The following SELENOH variants were observed in gnomAD, a reference collection of about 807,000 sequenced individuals.
The protein encoded by SELENOH is selenoprotein H.
SELENOH carries 13 observed loss-of-function variants against 11.9 expected under a neutral mutation model. That is an observed-to-expected ratio of 1.09 (90% CI 0.71 to 1.74). SELENOH has a LOEUF of 1.74. Among genes scored for constraint, SELENOH ranks in the 40% most tolerant of loss-of-function variants. The pLI, the probability that SELENOH is intolerant of heterozygous loss-of-function variation, is 0.00. For synonymous variants in SELENOH, 96 were observed against 73.5 expected (o/e 1.31, Z -1.56); for missense variants, 223 against 170.3 (o/e 1.31, Z -1.72).
chr11:57,741,762 G>A lies in SELENOH; in HGVS notation c.122+45G>A, dbSNP rs569454280. The A allele has an allele frequency of 3.6e-5, 57 of 1,569,046 alleles. No individual in the cohort carries two copies. The East Asian group carries it at 7.6e-4, about 21-fold the overall frequency. On this transcript the variant is annotated intron_variant, in intron 1 of 3. Coordinates refer to ENST00000534355, the MANE Select transcript of SELENOH (RefSeq NM_170746.4). ...ACGGGAGAGAGGGAACAGTGGCGCCGGGGGGGGCCAGGGGCCCCGGTTTCT... is the reference window on the plus strand; with the variant it reads ...ACGGGAGAGAGGGAACAGTGGCGCCAGGGGGGGCCAGGGGCCCCGGTTTCT...
rs750408914 is a variant in SELENOH at position 57,741,618 on chromosome 11, G to GT, written c.24dup (p.Lys9Ter). On this transcript the variant is annotated frameshift_variant, in exon 1 of 4. Transcript: ENST00000534355. LOFTEE classifies it high-confidence loss of function. The stretch of plus-strand genomic sequence containing the variant: ...GCCATGGCTCCCCGCGGGAGGAAGC[G>GT]TAAGGCTGAGGCCGCGGTGGTCGCC... 2.3e-6 allele frequency: 3 copies of GT among 1,301,414 alleles called. No individual in the cohort carries two copies. In the African/African-American group the frequency reaches 4.6e-5, roughly 20 times the overall value. The allele number at this position is 1,301,414 out of a possible 1,614,324, so 80.6% of individuals were successfully genotyped here. A position where few individuals can be genotyped will look rare whatever the true frequency, so the allele number is the denominator to read the frequency against.
Position 57,741,643 on chromosome 11 carries a change from C to G in SELENOH, c.48C>G (p.Ala16=). ...RKRKAEAAVV[A]VAEKREKLAN... is the part of the protein sequence containing the mutation. ...GTAAGGCTGAGGCCGCGGTGGTCGC[C>G]GTAGCCGAGAAGCGAGAGAAGCTGG... The change falls in exon 1 of 4, where the codon GCC becomes GCG. Residue 16 remains alanine (A), a synonymous_variant. Transcript: ENST00000534355. 1.4e-6 allele frequency: 2 copies of G among 1,380,666 alleles called. No individual in the cohort carries two copies. Among genetic ancestry groups the G allele is most frequent in the South Asian group, 3.6e-5 (2 of 54,900 alleles). The allele number at this position is 1,380,666 out of a possible 1,614,324, so 85.5% of individuals were successfully genotyped here.
rs1286490243 is a variant in SELENOH, at chr11:57,741,566, C to A, written c.-30C>A. On this transcript the variant is annotated 5_prime_UTR_variant, in exon 1 of 4. Coordinates refer to ENST00000534355, the MANE Select transcript of SELENOH (RefSeq NM_170746.4). Reference sequence around the variant, plus strand: ...GTCTCCGCCCCCCACCCACCAGTCCCGCTGCATTCTCGGCCGGGCTCTAGG... The same window carrying A: ...GTCTCCGCCCCCCACCCACCAGTCCAGCTGCATTCTCGGCCGGGCTCTAGG... 2 of 1,253,636 alleles carry A rather than the reference C, an allele frequency of 1.6e-6. No homozygotes were observed. Among genetic ancestry groups the A allele is most frequent in the East Asian group, 6.2e-5 (2 of 32,186 alleles). 77.7% of individuals were successfully genotyped at this position (1,253,636 alleles called of 1,614,324 possible).
At position 57,742,144 on chromosome 11, in the gene SELENOH, A is replaced by G; in HGVS notation, c.296A>G (p.Lys99Arg). Residue 99 changes from lysine (K) to arginine (R), a missense_variant, in exon 3 of 4, where the codon AAG (lysine) becomes AGG (arginine). By Grantham distance (26) the Lys-to-Arg change is conservative (BLOSUM62 2). Transcript: ENST00000534355. Reference sequence around the variant, plus strand: ...GCGGAGCTCTGGACTGGGATTAAGAAGGGGCCCCCACGCAAACTCAAATTC... The same window carrying G: ...GCGGAGCTCTGGACTGGGATTAAGAGGGGGCCCCCACGCAAACTCAAATTC... The part of the protein sequence containing the change: ...SSAELWTGIK[K>R]GPPRKLKFPE... 1 of 1,612,080 alleles carries G rather than the reference A, an allele frequency of 6.2e-7. No homozygotes were observed. Among genetic ancestry groups the G allele is most frequent in the Non-Finnish European group, 8.5e-7 (1 of 1,179,146 alleles).
At position 57,741,915 on chromosome 11, in the gene SELENOH, G is replaced by C. The variant is rs1480241148; in HGVS notation, c.229G>C (p.Gly77Arg). 1.3e-6 allele frequency: 2 copies of C among 1,593,496 alleles called. No homozygotes were observed. The highest frequency in any genetic ancestry group is 3.7e-5 in the Admixed American group (2 of 54,124). The change falls in exon 2 of 4, where the codon GGC becomes CGC. Residue 77 changes from glycine (G) to arginine (R), a missense_variant. Coordinates refer to ENST00000534355, the MANE Select transcript of SELENOH (RefSeq NM_170746.4). ...VKVNPTKPRR[G>R]SFEVTLLRPD... ...GGTGAACCCGACGAAGCCCCGGAGGGGCAGCTTCGAGGTGACGCTGCTGCG... is the reference window on the plus strand; with the variant it reads ...GGTGAACCCGACGAAGCCCCGGAGGCGCAGCTTCGAGGTGACGCTGCTGCG...
At chr11:57,741,975 G>T (rs928498325) in intron 2 of SELENOH, 21 bp downstream of exon 2, 3 of 1,581,338 alleles carry the variant, frequency 1.9e-6, no homozygotes, top group Admixed American at 1.9e-5. Flanking sequence ...ACCTGGATGT[G>T]GGGGAGAGGG....
intron 3 of SELENOH, 42 bp downstream of exon 3, chr11:57,742,289 G>T: frequency 7.2e-7 from 1 of 1,395,518 alleles, no homozygotes; most frequent in South Asian, 1.2e-5. Flanking sequence ...TGTTGAGGAA[G>T]AGAAGGCATT....
At position 57,742,127 on chromosome 11, in the gene SELENOH, C is replaced by G. The variant is rs201621399; in HGVS notation, c.279C>G (p.Leu93=). The part of the protein sequence containing the change: ...LLRPDGSSAE[L]WTGIKKGPPR... The stretch of plus-strand genomic sequence containing the variant: ...ATTCTGGCCTTTCAGGTGCGGAGCT[C>G]TGGACTGGGATTAAGAAGGGGCCCC... The change falls in exon 3 of 4, where the codon CTC becomes CTG. Residue 93 remains leucine, a synonymous_variant. Transcript: ENST00000534355. 3.1e-6 allele frequency: 5 copies of G among 1,611,294 alleles called. No individual in the cohort carries two copies. Among genetic ancestry groups the G allele is most frequent in the Non-Finnish European group, 4.2e-6 (5 of 1,178,804 alleles).
rs771609631 is a variant in SELENOH at position 57,742,117 on chromosome 11, G to C, written c.269G>C (p.Ser90Thr). The C allele has an allele frequency of 1.6e-5, 25 of 1,610,248 alleles. No individual in the cohort carries two copies. The South Asian group carries it at 2.2e-4, about 14-fold the overall frequency. The change falls in exon 3 of 4, where the codon AGT (serine) becomes ACT (threonine). Residue 90 changes from serine to threonine, a missense_variant and splice_region_variant. Coordinates refer to ENST00000534355, the MANE Select transcript of SELENOH (RefSeq NM_170746.4). Reference protein sequence around the residue: ...EVTLLRPDGSSAELWTGIKKG... With the variant: ...EVTLLRPDGSTAELWTGIKKG... Reference sequence around the variant, plus strand: ...ACTTCGCTTCATTCTGGCCTTTCAGGTGCGGAGCTCTGGACTGGGATTAAG... The same window carrying C: ...ACTTCGCTTCATTCTGGCCTTTCAGCTGCGGAGCTCTGGACTGGGATTAAG...
Position 57,741,972 on chromosome 11 carries a change from T to C in SELENOH, c.268+18T>C. ...CGGCAGCAGTAAGTGGGGACCTGGA[T>C]GTGGGGGAGAGGGACGTGGGTGAAA... On this transcript the variant is annotated intron_variant, in intron 2 of 3. Transcript: ENST00000534355. 1.0e-5 allele frequency: 16 copies of C among 1,583,204 alleles called. No individual in the cohort carries two copies. The highest frequency in any genetic ancestry group is 1.4e-5 in the Non-Finnish European group (16 of 1,167,592).
Position 57,741,682 on chromosome 11 carries a change from G to T in SELENOH, c.87G>T (p.Glu29Asp). The T allele has an allele frequency of 6.7e-7, 1 of 1,486,362 alleles. No individual in the cohort carries two copies. Among genetic ancestry groups the T allele is most frequent in the Non-Finnish European group, 8.9e-7 (1 of 1,118,614 alleles). The allele number at this position is 1,486,362 out of a possible 1,614,324, so 92.1% of individuals were successfully genotyped here. A position where few individuals can be genotyped will look rare whatever the true frequency, so the allele number is the denominator to read the frequency against. Residue 29 changes from glutamate (E) to aspartate (D), a missense_variant, in exon 1 of 4, where the codon GAG (glutamate) becomes GAT (aspartate). Physicochemically the swap from Glu to Asp is conservative, Grantham distance 45. Coordinates refer to ENST00000534355, the MANE Select transcript of SELENOH (RefSeq NM_170746.4). ...GAGAGAAGCTGGCGAACGGCGGGGA[G>T]GGAATGGAGGAGGCGACCGTTGTTA... is the stretch of plus-strand genomic sequence containing the variant. ...EKREKLANGG[E>D]GMEEATVVIE...
intron 3 of SELENOH, 177 bp downstream of exon 3, chr11:57,742,424 CAAAAA>C: frequency 3.5e-6 from 2 of 571,348 alleles, no homozygotes; most frequent in Non-Finnish European, 6.2e-6. Context: ...AAACAAAAAA[CAAAAA>C]AAAGACACAA....
Position 57,741,729 on chromosome 11 carries a change from G to C in SELENOH, c.122+12G>C. The C allele has an allele frequency of 6.3e-7, 1 of 1,592,560 alleles. No individual in the cohort carries two copies. Among genetic ancestry groups the C allele is most frequent in the Admixed American group, 1.8e-5 (1 of 55,004 alleles). Reference sequence around the variant, plus strand: ...GTTATCGAGCATTGGTGAGGGGCCTGGAGAGTAACGGGAGAGAGGGAACAG... The same window carrying C: ...GTTATCGAGCATTGGTGAGGGGCCTCGAGAGTAACGGGAGAGAGGGAACAG... On this transcript the variant is annotated intron_variant, in intron 1 of 3. Coordinates refer to ENST00000534355, the MANE Select transcript of SELENOH (RefSeq NM_170746.4).
chr11:57,742,093 C>T (rs1949099436), intron 2 of SELENOH, 24 bp from the exon 3 acceptor site: 3 of 1,602,628 alleles, frequency 1.9e-6, no homozygotes, highest in South Asian at 1.1e-5. Context: ...AGTATTGTAA[C>T]TTCGCTTCAT....
intron 3 of SELENOH, 66 bp downstream of exon 3, chr11:57,742,313 C>G (rs1949105007): frequency 8.3e-7 from 1 of 1,205,910 alleles, no homozygotes; most frequent in Non-Finnish European, 1.2e-6. Flanking sequence ...CTTGGTGTGG[C>G]TACAAGTACC....
In SELENOH at chr11:57,741,683, G is replaced by A; in HGVS notation, c.88G>A (p.Gly30Arg). Reference protein sequence around the residue: ...KREKLANGGEGMEEATVVIEH... With the variant: ...KREKLANGGERMEEATVVIEH... The stretch of plus-strand genomic sequence containing the variant: ...AGAGAAGCTGGCGAACGGCGGGGAG[G>A]GAATGGAGGAGGCGACCGTTGTTAT... The change falls in exon 1 of 4, where the codon GGA becomes AGA. Residue 30 changes from glycine to arginine, a missense_variant. Coordinates refer to ENST00000534355, the MANE Select transcript of SELENOH (RefSeq NM_170746.4). The A allele has an allele frequency of 6.7e-7, 1 of 1,490,680 alleles. No homozygotes were observed. The highest frequency in any genetic ancestry group is 8.9e-7 in the Non-Finnish European group (1 of 1,120,862). 92.3% of individuals were successfully genotyped at this position (1,490,680 alleles called of 1,614,324 possible).
chr11:57,741,600 C>G lies in SELENOH; in HGVS notation c.5C>G (p.Ala2Gly). 1 of 1,270,070 alleles carries G rather than the reference C, an allele frequency of 7.9e-7. No homozygotes were observed. Among genetic ancestry groups the G allele is most frequent in the Non-Finnish European group, 1.0e-6 (1 of 1,000,676 alleles). The allele number at this position is 1,270,070 out of a possible 1,614,324, so 78.7% of individuals were successfully genotyped here. A position where few individuals can be genotyped will look rare whatever the true frequency, so the allele number is the denominator to read the frequency against. The change falls in exon 1 of 4, where the codon GCT (alanine) becomes GGT (glycine). Residue 2 changes from alanine (A) to glycine (G), a missense_variant. Physicochemically the swap from Ala to Gly is moderately conservative, Grantham distance 60. Coordinates refer to ENST00000534355, the MANE Select transcript of SELENOH (RefSeq NM_170746.4). MAPRGRKRKAEA... is the reference protein window; with the variant it reads MGPRGRKRKAEA... ...CTCGGCCGGGCTCTAGGCGCCATGG[C>G]TCCCCGCGGGAGGAAGCGTAAGGCT...
At position 57,742,097 on chromosome 11, in the gene SELENOH, G is replaced by A. The variant is rs771021142; in HGVS notation, c.269-20G>A. ...GTGGGTTCCGAAGTATTGTAACTTCGCTTCATTCTGGCCTTTCAGGTGCGG... is the reference window on the plus strand; with the variant it reads ...GTGGGTTCCGAAGTATTGTAACTTCACTTCATTCTGGCCTTTCAGGTGCGG... On this transcript the variant is annotated intron_variant, in intron 2 of 3. Transcript: ENST00000534355. 20 of 1,604,290 alleles carry A rather than the reference G, an allele frequency of 1.2e-5. No individual in the cohort carries two copies. Among genetic ancestry groups the A allele is most frequent in the East Asian group, 2.2e-5 (1 of 44,638 alleles).
At chr11:57,741,754 G>A in intron 1 of SELENOH, 37 bp downstream of exon 1, 1 of 1,598,618 alleles carries the variant, frequency 6.3e-7, no homozygotes, top group Non-Finnish European at 8.5e-7. Flanking sequence ...AGAGGGAACA[G>A]TGGCGCCGGG....
Sources: gnomAD v4.1 joint callset for allele counts on GRCh38, gnomAD v4.1.1 for gene constraint, MANE v1.5 for transcripts, NCBI Gene and HGNC (gene_info 2026-07-23, HGNC 2026-07-21) for gene names.